TYW3: variants seen among roughly 807,000 people sequenced by gnomAD.
TYW3 encodes tRNA-yW synthesizing protein 3 homolog.
In TYW3, 26 loss-of-function variants were observed where a neutral mutation model predicts 23.1. The observed-to-expected ratio is 1.13, with a 90% confidence interval of 0.83 to 1.56. The LOEUF is 1.56. Among genes scored for constraint, TYW3 ranks in the 40% most tolerant of loss-of-function variants. The probability of loss-of-function intolerance (pLI) is 0.00; values close to 1 mark genes in which losing one functional copy is unlikely to be tolerated. For missense variants in TYW3, 316 were observed against 311.9 expected (o/e 1.01, Z -0.10); for synonymous variants, 102 against 105.7 (o/e 0.97, Z 0.21).
rs1235108583 is a variant in TYW3, at chr1:74,733,252, G to A, written c.8G>A (p.Arg3His). The A allele has an allele frequency of 5.0e-6, 8 of 1,613,964 alleles. No individual in the cohort carries two copies. The East Asian group carries it at 1.8e-4, about 36-fold the overall frequency. The change falls in exon 1 of 6, where the codon CGC becomes CAC. Residue 3 changes from arginine to histidine, a missense_variant. Transcript: ENST00000370867. ...ACCCTGAGTCCGTCACCCATGGATC[G>A]CAGCGCGGAGTTCAGGAAATGGAAG... MD[R>H]SAEFRKWKAQ...
At chr1:74,748,230 A>G (rs1020007718) in intron 3 of TYW3, among the ~76,000 whole-genome samples, 1 of 152,200 alleles carries the variant, frequency 6.6e-6, no homozygotes, top group Non-Finnish European at 1.5e-5. Context: ...GGAGAAAATA[A>G]GGGACCCATG....
At position 74,753,082 on chromosome 1, in the gene TYW3, T is replaced by C. The variant is rs28432698; in HGVS notation, c.560+657T>C. Among the ~76,000 whole-genome samples, 345 of 152,328 alleles carry C rather than the reference T, an allele frequency of 2.3e-3. 1 individual carries two copies. The highest frequency in any genetic ancestry group is 8.1e-3 in the African/African-American group (335 of 41,572). ...AAGTTTATATATAAAGTAGTAAATATTATGCTGTCTTTCATATATGAAAGT... is the reference window on the plus strand; with the variant it reads ...AAGTTTATATATAAAGTAGTAAATACTATGCTGTCTTTCATATATGAAAGT... On this transcript the variant is annotated intron_variant, in intron 5 of 5. Transcript: ENST00000370867.
chr1:74,757,181 A>G (rs933944447), intron 5 of TYW3, among the ~76,000 whole-genome samples: 2 of 152,230 alleles, frequency 1.3e-5, no homozygotes, highest in Non-Finnish European at 2.9e-5. Flanking sequence ...GCCCCCACAC[A>G]GAGTCCCTAC....
chr1:74,760,821 A>T (rs1211030448), intron 5 of TYW3, among the ~76,000 whole-genome samples: 2 of 152,252 alleles, frequency 1.3e-5, no homozygotes, highest in Non-Finnish European at 2.9e-5. Context: ...ATTGTGCCTC[A>T]GTTTCCTCAA....
intron 3 of TYW3, among the ~76,000 whole-genome samples, chr1:74,745,031 T>C (rs1374710084): frequency 6.6e-6 from 1 of 152,078 alleles, no homozygotes; most frequent in African/African-American, 2.4e-5. Flanking sequence ...CCTGGTGGGT[T>C]CGTGGTCTCA....
chr1:74,750,692 G>A (rs1648751262), intron 4 of TYW3, among the ~76,000 whole-genome samples: 1 of 151,820 alleles, frequency 6.6e-6, no homozygotes, highest in African/African-American at 2.4e-5. Flanking sequence ...CAGCTATATA[G>A]AACTATTGGT....
chr1:74,741,843 G>T (rs1648373399), intron 3 of TYW3, among the ~76,000 whole-genome samples: 1 of 152,146 alleles, frequency 6.6e-6, no homozygotes, highest in Non-Finnish European at 1.5e-5. Context: ...TTTCTTAAGT[G>T]CCTCTTGAGT....
intron 3 of TYW3, among the ~76,000 whole-genome samples, chr1:74,742,514 C>T (rs1648398690): frequency 6.6e-6 from 1 of 152,158 alleles, no homozygotes. Flanking sequence ...GGGGTTGTTC[C>T]ATACCAAGGG....
intron 5 of TYW3, among the ~76,000 whole-genome samples, chr1:74,758,447 T>A (rs975646470): frequency 6.6e-6 from 1 of 152,032 alleles, no homozygotes; most frequent in Non-Finnish European, 1.5e-5. Context: ...ATTCTTATCA[T>A]CATTTACCAG....
intron 2 of TYW3, among the ~76,000 whole-genome samples, chr1:74,736,972 G>A (rs1157417045): frequency 6.6e-6 from 1 of 152,184 alleles, no homozygotes; most frequent in East Asian, 1.9e-4. Flanking sequence ...CTATCTCTGT[G>A]TTACCAGCTT....
intron 3 of TYW3, among the ~76,000 whole-genome samples, chr1:74,742,341 G>C (rs1163448937): frequency 6.6e-6 from 1 of 152,166 alleles, no homozygotes; most frequent in African/African-American, 2.4e-5. Flanking sequence ...ATACCCATGT[G>C]AACAGTTTCG....
chr1:74,744,845 G>T (rs896341152), intron 3 of TYW3, among the ~76,000 whole-genome samples: 1 of 152,158 alleles, frequency 6.6e-6, no homozygotes, highest in Non-Finnish European at 1.5e-5. Flanking sequence ...GCTGACTTCC[G>T]GAGTGAAGCC....
chr1:74,750,574 TA>T (rs928976119), intron 4 of TYW3, among the ~76,000 whole-genome samples: 5 of 151,048 alleles, frequency 3.3e-5, no homozygotes, highest in East Asian at 3.9e-4. Context: ...AAAAATAAAA[TA>T]AAAAAAACCT....
chr1:74,764,041 T>C lies in TYW3; in HGVS notation c.708T>C (p.Ser236=), dbSNP rs761120942. Residue 236 remains serine (S), a synonymous_variant, in exon 6 of 6, where the codon AGT becomes AGC. Transcript: ENST00000370867. ...KTRAQCITKE[S]DEELENDDDD... ...GTGCCCAGTGTATTACTAAAGAAAGTGATGAAGAACTTGAAAATGATGATG... is the reference window on the plus strand; with the variant it reads ...GTGCCCAGTGTATTACTAAAGAAAGCGATGAAGAACTTGAAAATGATGATG... 1.3e-5 allele frequency: 21 copies of C among 1,613,222 alleles called. No individual in the cohort carries two copies. The highest frequency in any genetic ancestry group is 1.6e-5 in the Non-Finnish European group (19 of 1,179,620).
At chr1:74,755,203 C>G (rs923518959) in intron 5 of TYW3, among the ~76,000 whole-genome samples, 17 of 151,884 alleles carry the variant, frequency 1.1e-4, no homozygotes, top group African/African-American at 4.1e-4. Flanking sequence ...ATAAAATGTA[C>G]GCAATAGGAA....
intron 4 of TYW3, among the ~76,000 whole-genome samples, chr1:74,749,153 G>T (rs1200000498): frequency 6.6e-6 from 1 of 152,196 alleles, no homozygotes; most frequent in Non-Finnish European, 1.5e-5. Context: ...ACTGATACCT[G>T]CTGGATCACA....
At chr1:74,763,806 A>C (rs534759964) in intron 5 of TYW3, 88 bp from the exon 6 acceptor site, 1 of 1,005,676 alleles carries the variant, frequency 9.9e-7, no homozygotes, top group African/African-American at 1.6e-5. Flanking sequence ...GACATAGTCA[A>C]ATTTACATAA....
At chr1:74,763,286 T>C (rs1449878830) in intron 5 of TYW3, among the ~76,000 whole-genome samples, 1 of 152,110 alleles carries the variant, frequency 6.6e-6, no homozygotes, top group East Asian at 1.9e-4. Flanking sequence ...CATCACATCA[T>C]TTTCAAAAAT....
chr1:74,763,133 C>G (rs1649182753), intron 5 of TYW3, among the ~76,000 whole-genome samples: 1 of 151,908 alleles, frequency 6.6e-6, no homozygotes, highest in African/African-American at 2.4e-5. Flanking sequence ...TGATCTCTCT[C>G]AAGTGCAGCT....
Sources: allele counts gnomAD v4.1 joint callset (sites outside exome capture counted in the v4.1 genomes callset), GRCh38; gene constraint gnomAD v4.1.1; transcripts MANE v1.5; gene names NCBI Gene and HGNC (gene_info 2026-07-23, HGNC 2026-07-21).